The following KCNIP1 variants were observed in gnomAD, a reference collection of about 807,000 sequenced individuals.
The protein encoded by KCNIP1 is potassium voltage-gated channel interacting protein 1.
In KCNIP1, 18 loss-of-function variants were observed where a neutral mutation model predicts 33.0. The observed-to-expected ratio is 0.55, with a 90% CI of 0.38 to 0.81. The LOEUF is 0.81. Among genes scored for constraint, KCNIP1 ranks in the 30% least tolerant of loss-of-function variants. The pLI is 0.00. For synonymous variants in KCNIP1, 93 were observed against 98.3 expected, an observed-to-expected ratio of 0.95 and a Z score of 0.32; for missense variants, 238 against 271.6, an observed-to-expected ratio of 0.88 and a Z score of 0.87.
At chr5:170,679,147 C>G (rs913982990) in intron 1 of KCNIP1, 1 of 152,198 alleles carries the variant, frequency 6.6e-6, no homozygotes, top group Non-Finnish European at 1.5e-5. Context: ...CCTGGTAATT[C>G]AGAGACAGTG....
intron 1 of KCNIP1, among the ~76,000 whole-genome samples, chr5:170,618,700 A>C (rs1430935516): frequency 6.6e-6 from 1 of 152,208 alleles, no homozygotes; most frequent in Non-Finnish European, 1.5e-5. Flanking sequence ...GACCAATCAC[A>C]TCATTTGGCC....
intron 4 of KCNIP1, 37 bp from the exon 5 acceptor site, chr5:170,722,676 T>C: frequency 7.2e-7 from 1 of 1,390,664 alleles, no homozygotes. Context: ...TCTGATGGCT[T>C]GATGGTTAAT....
intron 1 of KCNIP1, among the ~76,000 whole-genome samples, chr5:170,560,530 T>C (rs1207578762): frequency 6.6e-6 from 1 of 152,136 alleles, no homozygotes; most frequent in Non-Finnish European, 1.5e-5. Flanking sequence ...GGAGCTGTCA[T>C]GCCCCTGTCA....
intron 1 of KCNIP1, among the ~76,000 whole-genome samples, chr5:170,619,392 C>T (rs2113638782): frequency 6.6e-6 from 1 of 152,200 alleles, no homozygotes; most frequent in African/African-American, 2.4e-5. Context: ...GAGTCCTGCC[C>T]CTCCTAAGGG....
At chr5:170,658,268 G>A (rs1245160812) in intron 1 of KCNIP1, among the ~76,000 whole-genome samples, 2 of 152,170 alleles carry the variant, frequency 1.3e-5, no homozygotes, top group African/African-American at 4.8e-5. Context: ...GGTTGAGGGA[G>A]CACATCTGGT....
chr5:170,454,951 A>G (rs926754182), intron 1 of KCNIP1, among the ~76,000 whole-genome samples: 2 of 152,248 alleles, frequency 1.3e-5, no homozygotes, highest in African/African-American at 4.8e-5. Flanking sequence ...TTTTAAAACA[A>G]AAATGTTAAT....
intron 1 of KCNIP1, among the ~76,000 whole-genome samples, chr5:170,428,424 C>CT (rs11423617): frequency 0.22 from 32,732 of 148,966 alleles, 3,478 homozygotes; most frequent in African/African-American, 0.25. Context: ...TTAATGCTGT[C>CT]TTTTTTTTTT....
At chr5:170,381,476 A>T (rs982857452) in intron 1 of KCNIP1, among the ~76,000 whole-genome samples, 1 of 152,218 alleles carries the variant, frequency 6.6e-6, no homozygotes, top group South Asian at 2.1e-4. Context: ...GAGGACACCC[A>T]GCTAGCCTGG....
intron 1 of KCNIP1, among the ~76,000 whole-genome samples, chr5:170,605,090 G>A (rs1183793718): frequency 6.6e-6 from 1 of 152,136 alleles, no homozygotes; most frequent in African/African-American, 2.4e-5. Context: ...TTGATTTTTG[G>A]CTCTGTGTCA....
intron 1 of KCNIP1, among the ~76,000 whole-genome samples, chr5:170,699,555 TGAAAAA>T (rs1440247528): frequency 5.1e-5 from 6 of 118,216 alleles, no homozygotes; most frequent in African/African-American, 6.3e-5. Context: ...AATTGCTCTG[TGAAAAA>T]AAAAAAAAAA....
chr5:170,618,636 G>C (rs1340995859), intron 1 of KCNIP1, among the ~76,000 whole-genome samples: 1 of 151,772 alleles, frequency 6.6e-6, no homozygotes. Context: ...TGAGGAGTCT[G>C]GGGACCAAAG....
chr5:170,659,946 C>T (rs1452140939), intron 1 of KCNIP1, among the ~76,000 whole-genome samples: 1 of 152,192 alleles, frequency 6.6e-6, no homozygotes, highest in African/African-American at 2.4e-5. Flanking sequence ...ACAAGAGCTG[C>T]CATGTATTGC....
At chr5:170,682,938 A>G (rs1287644439) in intron 1 of KCNIP1, among the ~76,000 whole-genome samples, 1 of 151,360 alleles carries the variant, frequency 6.6e-6, no homozygotes, top group African/African-American at 2.4e-5. Context: ...CAAGCTTCCT[A>G]CTTTCTTATA....
intron 1 of KCNIP1, among the ~76,000 whole-genome samples, chr5:170,505,783 G>A (rs771524292): frequency 6.6e-6 from 1 of 152,226 alleles, no homozygotes; most frequent in African/African-American, 2.4e-5. Context: ...GGGGCATCAG[G>A]CTGGCTGAGC....
Position 170,722,800 on chromosome 5 carries a change from G to T in KCNIP1, c.415G>T (p.Asp139Tyr). 6.2e-7 allele frequency: 1 copy of T among 1,612,654 alleles called. No homozygotes were observed. Among genetic ancestry groups the T allele is most frequent in the Non-Finnish European group, 8.5e-7 (1 of 1,178,720 alleles). The change falls in exon 5 of 8, where the codon GAC becomes TAC. Residue 139 changes from aspartate (D) to tyrosine (Y), a missense_variant. Transcript: ENST00000328939. The part of the protein sequence containing the change: ...WTFNLYDINK[D>Y]GYINKEEMMD... ...ATTTAATTTGTATGACATCAACAAGGACGGATACATAAACAAAGAGGTAAG... is the reference window on the plus strand; with the variant it reads ...ATTTAATTTGTATGACATCAACAAGTACGGATACATAAACAAAGAGGTAAG...
At chr5:170,569,705 A>G (rs971764759) in intron 1 of KCNIP1, among the ~76,000 whole-genome samples, 1 of 151,882 alleles carries the variant, frequency 6.6e-6, no homozygotes, top group African/African-American at 2.4e-5. Flanking sequence ...GATCACACCA[A>G]TGCCCTCCAG....
chr5:170,515,381 G>A (rs12108922), intron 1 of KCNIP1, among the ~76,000 whole-genome samples: 25,423 of 152,040 alleles, frequency 0.17, 3,457 homozygotes, highest in African/African-American at 0.37. Flanking sequence ...CACTCTATAC[G>A]TTGGTCCATA....
intron 1 of KCNIP1, among the ~76,000 whole-genome samples, chr5:170,394,747 A>G (rs138836849): frequency 6.6e-6 from 1 of 151,518 alleles, no homozygotes; most frequent in Non-Finnish European, 1.5e-5. Context: ...CCTTTGCCCC[A>G]CTCCCTCCTT....
At chr5:170,716,528 T>C (rs1440693479) in intron 1 of KCNIP1, among the ~76,000 whole-genome samples, 3 of 152,028 alleles carry the variant, frequency 2.0e-5, no homozygotes, top group African/African-American at 4.8e-5. Context: ...ACTTAGCCAA[T>C]GATGAAAACG....
Sources: allele counts gnomAD v4.1 joint callset (sites outside exome capture counted in the v4.1 genomes callset), GRCh38; gene constraint gnomAD v4.1.1; transcripts MANE v1.5; gene names NCBI Gene and HGNC (gene_info 2026-07-23, HGNC 2026-07-21).